Variants in WDR7 observed in about 807,000 individuals in gnomAD.
WDR7 encodes the protein WD repeat-containing protein 7.
WDR7 carries 46 observed loss-of-function variants against 169.4 expected under a neutral mutation model. That is an observed-to-expected ratio of 0.27 (90% CI 0.21 to 0.35). WDR7 has a LOEUF of 0.35. WDR7 is among the 10% of genes least tolerant of loss of function. The pLI, the probability that WDR7 is intolerant of heterozygous loss-of-function variation, is 1.00. For missense variants in WDR7, 1,534 were observed against 1,859.3 expected (o/e 0.83, Z 3.22); for synonymous variants, 612 against 666.8 (o/e 0.92, Z 1.27).
At chr18:56,872,571 T>C (rs2045968208) in intron 20 of WDR7, 1 of 152,222 alleles carries the variant, frequency 6.6e-6, no homozygotes, top group Non-Finnish European at 1.5e-5. Context: ...TATTTTGTTA[T>C]AAGTAACCCA....
In WDR7 at chr18:57,003,259, T is replaced by C. The variant is rs77452043; in HGVS notation, c.4165-17486T>C. 8.5e-3 allele frequency among the ~76,000 whole-genome samples: 1,297 copies of C among 152,236 alleles called. 16 individuals are homozygous for C. Among genetic ancestry groups the C allele is most frequent in the African/African-American group, 0.03 (1,230 of 41,548 alleles). On this transcript the variant is annotated intron_variant, in intron 26 of 27. Transcript: ENST00000254442. ...AAAATTCATAAAGAACTTTTATAAATCTAAGCATTCCAAAACAAAGCTATT... is the reference window on the plus strand; with the variant it reads ...AAAATTCATAAAGAACTTTTATAAACCTAAGCATTCCAAAACAAAGCTATT...
intron 13 of WDR7, among the ~76,000 whole-genome samples, chr18:56,725,988 G>T (rs1568160310): frequency 6.6e-6 from 1 of 152,054 alleles, no homozygotes; most frequent in Non-Finnish European, 1.5e-5. Flanking sequence ...TATTTCTGAG[G>T]GCTCTGTTCT....
chr18:56,875,594 T>C (rs982277111), intron 20 of WDR7, among the ~76,000 whole-genome samples: 6 of 152,186 alleles, frequency 3.9e-5, no homozygotes, highest in African/African-American at 1.4e-4. Flanking sequence ...TCTAGAGTTA[T>C]AGAGTTCCAG....
chr18:56,932,874 G>GGGGTGTGT, intron 22 of WDR7, among the ~76,000 whole-genome samples: 1 of 131,992 alleles, frequency 7.6e-6, no homozygotes, highest in Admixed American at 7.1e-5. Context: ...CTTCATTCTG[G>GGGGTGTGT]GTGTGTGTGT....
chr18:56,893,594 G>A (rs1473720459), intron 21 of WDR7, among the ~76,000 whole-genome samples: 3 of 152,048 alleles, frequency 2.0e-5, no homozygotes, highest in Non-Finnish European at 1.5e-5. Flanking sequence ...TGTGTCAAAC[G>A]GTAGGTGCTC....
At chr18:56,687,945 AAC>A (rs1258143208) in intron 7 of WDR7, among the ~76,000 whole-genome samples, 1 of 152,128 alleles carries the variant, frequency 6.6e-6, no homozygotes, top group African/African-American at 2.4e-5. Context: ...GTTCTTTAAA[AAC>A]AGTCACAAAA....
intron 20 of WDR7, among the ~76,000 whole-genome samples, chr18:56,868,167 A>G (rs914393394): frequency 3.3e-5 from 5 of 152,136 alleles, no homozygotes; most frequent in Non-Finnish European, 7.4e-5. Context: ...TAAGGTGATC[A>G]TTTTTCAAAG....
At chr18:56,925,299 C>T (rs1388933250) in intron 22 of WDR7, among the ~76,000 whole-genome samples, 4 of 152,204 alleles carry the variant, frequency 2.6e-5, no homozygotes, top group African/African-American at 9.7e-5. Context: ...AGTAGAATTT[C>T]TGGGTCATCT....
At chr18:56,890,452 A>G (rs2145520776) in intron 21 of WDR7, among the ~76,000 whole-genome samples, 1 of 152,326 alleles carries the variant, frequency 6.6e-6, no homozygotes, top group East Asian at 1.9e-4. Flanking sequence ...AAGTGAAGCC[A>G]AATTTCAAAT....
chr18:56,724,866 A>T (rs970009543), intron 13 of WDR7, among the ~76,000 whole-genome samples: 6 of 151,686 alleles, frequency 4.0e-5, no homozygotes, highest in Non-Finnish European at 8.8e-5. Context: ...AGGTGTTCTC[A>T]TTGTTCAGTT....
In WDR7 at chr18:56,880,309, A is replaced by G. The variant is rs541657473; in HGVS notation, c.3526+144A>G. The G allele has an allele frequency of 1.5e-5, 11 of 740,828 alleles. No individual in the cohort carries two copies. In the East Asian group the frequency reaches 2.7e-4, roughly 18 times the overall value. 45.9% of individuals were successfully genotyped at this position (740,828 alleles called of 1,614,324 possible). On this transcript the variant is annotated intron_variant, in intron 21 of 27. Transcript: ENST00000254442. ...GTTAGAAAGCAGTACAATCTGGCACATTTCCCGTTAGTTACAGTAACCTGA... is the reference window on the plus strand; with the variant it reads ...GTTAGAAAGCAGTACAATCTGGCACGTTTCCCGTTAGTTACAGTAACCTGA...
chr18:56,878,541 C>G (rs1168658998), intron 20 of WDR7, among the ~76,000 whole-genome samples: 1 of 152,076 alleles, frequency 6.6e-6, no homozygotes, highest in Non-Finnish European at 1.5e-5. Flanking sequence ...ACTCAATGAA[C>G]AATCTTTCTA....
At chr18:56,670,831 A>G (rs2025119129) in intron 1 of WDR7, among the ~76,000 whole-genome samples, 1 of 152,050 alleles carries the variant, frequency 6.6e-6, no homozygotes, top group Non-Finnish European at 1.5e-5. Flanking sequence ...TTTGTCTTTA[A>G]TGATTATACC....
At chr18:56,744,976 C>G (rs886226250) in intron 14 of WDR7, among the ~76,000 whole-genome samples, 1 of 152,134 alleles carries the variant, frequency 6.6e-6, no homozygotes, top group Non-Finnish European at 1.5e-5. Context: ...GTGAAAGTCA[C>G]TATGGCTTTT....
intron 20 of WDR7, among the ~76,000 whole-genome samples, chr18:56,824,434 A>G (rs2045160549): frequency 6.6e-6 from 1 of 152,232 alleles, no homozygotes; most frequent in South Asian, 2.1e-4. Flanking sequence ...GCCTAGCACT[A>G]GAATAGCTGG....
At chr18:56,958,934 A>G (rs2047295663) in intron 25 of WDR7, among the ~76,000 whole-genome samples, 1 of 152,164 alleles carries the variant, frequency 6.6e-6, no homozygotes, top group Admixed American at 6.6e-5. Flanking sequence ...TATTCATGCA[A>G]AACACAAAGT....
At chr18:56,882,963 C>T (rs1192001517) in intron 21 of WDR7, among the ~76,000 whole-genome samples, 1 of 152,138 alleles carries the variant, frequency 6.6e-6, no homozygotes, top group Admixed American at 6.5e-5. Flanking sequence ...TGGCTCACAC[C>T]TGTAATCCCA....
At chr18:56,817,643 T>C (rs2045003034) in intron 20 of WDR7, among the ~76,000 whole-genome samples, 1 of 152,138 alleles carries the variant, frequency 6.6e-6, no homozygotes, top group Admixed American at 6.5e-5. Flanking sequence ...CCAACCTAAA[T>C]ATGAACGATT....
intron 14 of WDR7, among the ~76,000 whole-genome samples, chr18:56,756,205 A>G (rs1249322558): frequency 2.0e-5 from 3 of 152,222 alleles, no homozygotes; most frequent in Non-Finnish European, 4.4e-5. Context: ...AGGAGCCACG[A>G]TAAACGGATT....
Sources: allele counts gnomAD v4.1 joint callset (sites outside exome capture counted in the v4.1 genomes callset), GRCh38; gene constraint gnomAD v4.1.1; transcripts MANE v1.5; gene names NCBI Gene and HGNC (gene_info 2026-07-23, HGNC 2026-07-21).